The following DRC2 variants were observed in gnomAD, a reference collection of about 807,000 sequenced individuals.
The protein encoded by DRC2 is coiled-coil domain containing 65.
the DRC2 span, among the ~76,000 whole-genome samples, chr12:48,920,441 T>TTTAAAAAAAAAAAAAAAAAAA: frequency 1.5e-5 from 1 of 67,816 alleles, no homozygotes; most frequent in Non-Finnish European, 2.6e-5. Context: ...AACTCCATCT[T>TTTAAAAAAAAAAAAAAAAAAA]AAAAAAAAAA....
the DRC2 span, among the ~76,000 whole-genome samples, chr12:48,907,251 G>A: frequency 6.6e-6 from 1 of 152,104 alleles, no homozygotes; most frequent in Admixed American, 6.6e-5. Flanking sequence ...CACTTGATAA[G>A]AACAGCAGTG....
chr12:48,905,123 C>G, the DRC2 span: 2 of 1,582,304 alleles, frequency 1.3e-6, no homozygotes, highest in Admixed American at 3.5e-5. Context: ...GGTAGGCACT[C>G]TTTCCAAGGA....
At chr12:48,913,554 G>A in the DRC2 span, among the ~76,000 whole-genome samples, 1 of 151,174 alleles carries the variant, frequency 6.6e-6, no homozygotes, top group Non-Finnish European at 1.5e-5. Context: ...GTGCAGTGGT[G>A]CAATCTCGGC....
At chr12:48,905,027 G>A in the DRC2 span, 2 of 1,614,058 alleles carry the variant, frequency 1.2e-6, no homozygotes, top group East Asian at 4.5e-5. Context: ...CCTTCGGGAA[G>A]TCAAGACCAG....
At chr12:48,909,536 G>A in the DRC2 span, among the ~76,000 whole-genome samples, 1 of 151,966 alleles carries the variant, frequency 6.6e-6, no homozygotes, top group Non-Finnish European at 1.5e-5. Context: ...GGAGTGCAGT[G>A]GAGCGATCTT....
the DRC2 span, chr12:48,904,874 A>G: frequency 2.3e-6 from 3 of 1,326,484 alleles, no homozygotes; most frequent in Non-Finnish European, 3.1e-6. Context: ...TCAGCTGATA[A>G]ATTAAGAGTG....
At chr12:48,904,916 T>C in the DRC2 span, 1 of 1,549,696 alleles carries the variant, frequency 6.5e-7, no homozygotes, top group Non-Finnish European at 8.7e-7. Context: ...GGCCCTGACT[T>C]CCTGGAGGTA....
chr12:48,914,470 A>G, the DRC2 span: 3 of 1,614,162 alleles, frequency 1.9e-6, no homozygotes, highest in Non-Finnish European at 2.5e-6. Flanking sequence ...CCACTTGCAC[A>G]ATGTTGACCA....
At chr12:48,920,441 TAAAAAAAAAAAA>T in the DRC2 span, among the ~76,000 whole-genome samples, 6 of 67,816 alleles carry the variant, frequency 8.8e-5, 1 homozygote, top group African/African-American at 1.3e-4. Context: ...AACTCCATCT[TAAAAAAAAAAAA>T]AAAAAAAAAA....
chr12:48,906,792 C>T, the DRC2 span, among the ~76,000 whole-genome samples: 2 of 151,692 alleles, frequency 1.3e-5, no homozygotes, highest in Non-Finnish European at 2.9e-5. Flanking sequence ...TCTGGAACTC[C>T]TGACCTTAGG....
chr12:48,904,162 C>G, the DRC2 span: 5 of 773,330 alleles, frequency 6.5e-6, no homozygotes, highest in East Asian at 1.3e-4. Flanking sequence ...AGAGCTCAGC[C>G]TCACTGATAG....
chr12:48,921,247 A>G, the DRC2 span: 2 of 1,614,104 alleles, frequency 1.2e-6, no homozygotes, highest in Non-Finnish European at 1.7e-6. Context: ...AGCCTCCAAC[A>G]TAGACGAGCC....
chr12:48,919,561 C>T, the DRC2 span, among the ~76,000 whole-genome samples: 7 of 147,054 alleles, frequency 4.8e-5, no homozygotes, highest in Non-Finnish European at 3.0e-5. Context: ...TCTGTTGCCC[C>T]GGCTGGAGTG....
At chr12:48,918,670 A>G in the DRC2 span, 5 of 1,611,292 alleles carry the variant, frequency 3.1e-6, no homozygotes, top group East Asian at 4.5e-5. Flanking sequence ...CCCCTAATCT[A>G]CTCTGTTCCT....
chr12:48,921,321 G>T, the DRC2 span: 26 of 1,614,098 alleles, frequency 1.6e-5, no homozygotes, highest in Non-Finnish European at 2.2e-5. Context: ...TGGCATCTCA[G>T]TGAGTGACGA....
chr12:48,917,085 A>T, the DRC2 span: 5 of 1,614,192 alleles, frequency 3.1e-6, no homozygotes, highest in Middle Eastern at 1.6e-4. Context: ...GTTCCAGAGC[A>T]TGTGGAATGA....
At chr12:48,904,626 G>A in the DRC2 span, among the ~76,000 whole-genome samples, 1 of 152,180 alleles carries the variant, frequency 6.6e-6, no homozygotes, top group Non-Finnish European at 1.5e-5. Context: ...GGGAGGCGGG[G>A]GTGTTCTCTG....
At chr12:48,918,436 G>C in the DRC2 span, 1 of 1,614,106 alleles carries the variant, frequency 6.2e-7, no homozygotes, top group East Asian at 2.2e-5. Context: ...GCTCCAAAGA[G>C]ATTGAAGTAC....
the DRC2 span, chr12:48,921,079 C>T: frequency 6.2e-7 from 1 of 1,610,154 alleles, no homozygotes. Context: ...AGGAGCTCAC[C>T]AAGGTAAAGC....
Sources: allele counts gnomAD v4.1 joint callset (sites outside exome capture counted in the v4.1 genomes callset), GRCh38; gene constraint gnomAD v4.1.1; transcripts MANE v1.5; gene names NCBI Gene and HGNC (gene_info 2026-07-23, HGNC 2026-07-21).